The following SENP7 variants were observed in gnomAD, a reference collection of about 807,000 sequenced individuals.
The protein encoded by SENP7 is SUMO specific peptidase 7, also known as sentrin-specific protease 7.
In SENP7, 64 loss-of-function variants were observed where a neutral mutation model predicts 141.2. The ratio of observed to expected loss-of-function variants is 0.45; its 90% CI spans 0.37 to 0.56. The LOEUF is 0.56. Ranked by LOEUF, SENP7 falls within the 20% of genes least tolerant of loss-of-function variation. The probability of loss-of-function intolerance (pLI) is 0.00; values close to 1 mark genes in which losing one functional copy is unlikely to be tolerated. For synonymous variants in SENP7, 382 were observed against 426.4 expected (o/e 0.90, Z 1.28); for missense variants, 1,025 against 1,212.2 (o/e 0.85, Z 2.29).
chr3:101,452,609 T>C (rs2063185600), intron 4 of SENP7, among the ~76,000 whole-genome samples: 1 of 152,092 alleles, frequency 6.6e-6, no homozygotes, highest in Non-Finnish European at 1.5e-5. Context: ...AAACAAGAAA[T>C]GGGGAAAGCA....
chr3:101,412,740 T>C (rs2107635743), intron 5 of SENP7, among the ~76,000 whole-genome samples: 1 of 152,194 alleles, frequency 6.6e-6, no homozygotes, highest in African/African-American at 2.4e-5. Context: ...TGTATAAGTG[T>C]CCCACTAGGT....
rs977317206 is a variant in SENP7, at chr3:101,511,513, G to T, written c.40+1578C>A. 3.9e-5 allele frequency among the ~76,000 whole-genome samples: 6 copies of T among 152,174 alleles called. No homozygotes were observed. In the South Asian group the frequency reaches 1.2e-3, roughly 31 times the overall value. Reference sequence around the variant, plus strand: ...TGTCCATTTTACTTAGAGGTTTGGTGGGGGGTGGAGACTATTAAAACACTC... The same window carrying T: ...TGTCCATTTTACTTAGAGGTTTGGTTGGGGGTGGAGACTATTAAAACACTC... On this transcript the variant is annotated intron_variant, in intron 1 of 23. Transcript: ENST00000394095.
intron 4 of SENP7, among the ~76,000 whole-genome samples, chr3:101,434,794 G>C (rs1223818810): frequency 6.6e-6 from 1 of 151,900 alleles, no homozygotes; most frequent in Non-Finnish European, 1.5e-5. Flanking sequence ...TCCCAGTAAA[G>C]GAAAGCCCGG....
intron 3 of SENP7, among the ~76,000 whole-genome samples, chr3:101,464,054 G>C (rs1447092262): frequency 1.3e-5 from 2 of 152,060 alleles, no homozygotes; most frequent in East Asian, 3.9e-4. Context: ...TCCAACTCAT[G>C]ACTTCAGGTG....
At chr3:101,357,451 T>A (rs2059775141) in intron 11 of SENP7, 1 of 1,109,176 alleles carries the variant, frequency 9.0e-7, no homozygotes, top group Non-Finnish European at 1.3e-6. Context: ...CGAAGAGACA[T>A]AAGATGATTG....
intron 3 of SENP7, among the ~76,000 whole-genome samples, chr3:101,473,965 C>T (rs2064114607): frequency 6.6e-6 from 1 of 152,150 alleles, no homozygotes; most frequent in Admixed American, 6.5e-5. Flanking sequence ...AACCAGTTAT[C>T]CCAGCACCAT....
chr3:101,457,811 GCA>G, intron 4 of SENP7: 1 of 592,540 alleles, frequency 1.7e-6, no homozygotes, highest in South Asian at 2.0e-5. Context: ...GAGATTAGGC[GCA>G]CACATGCGGA....
intron 18 of SENP7, 86 bp from the exon 19 acceptor site, chr3:101,332,195 A>G: frequency 7.7e-7 from 1 of 1,301,462 alleles, no homozygotes; most frequent in Non-Finnish European, 1.0e-6. Context: ...AGAAAGTGAG[A>G]ATAAATTTCA....
chr3:101,399,277 C>G (rs1281310387), intron 5 of SENP7, among the ~76,000 whole-genome samples: 2 of 152,158 alleles, frequency 1.3e-5, no homozygotes, highest in Non-Finnish European at 2.9e-5. Context: ...CATAGATTAG[C>G]CTGCCACTAC....
intron 4 of SENP7, among the ~76,000 whole-genome samples, chr3:101,450,991 A>T (rs1391378501): frequency 1.3e-5 from 2 of 152,228 alleles, no homozygotes. Context: ...AGAAGAAAAG[A>T]GAGAAAAATC....
intron 3 of SENP7, among the ~76,000 whole-genome samples, chr3:101,477,915 G>A (rs1200812039): frequency 6.7e-6 from 1 of 149,918 alleles, no homozygotes; most frequent in Admixed American, 6.6e-5. Flanking sequence ...AAAACAGAAA[G>A]ACTAAAAATA....
chr3:101,483,155 G>T (rs1211084542), intron 3 of SENP7, among the ~76,000 whole-genome samples: 1 of 152,086 alleles, frequency 6.6e-6, no homozygotes, highest in African/African-American at 2.4e-5. Context: ...AATGTTTACT[G>T]CAGCGCTATT....
chr3:101,341,525 T>A (rs556270230), intron 15 of SENP7, 121 bp downstream of exon 15: 3 of 876,234 alleles, frequency 3.4e-6, no homozygotes, highest in South Asian at 9.2e-5. Flanking sequence ...CCTATTTCCA[T>A]TACTATCAGC....
intron 6 of SENP7, among the ~76,000 whole-genome samples, chr3:101,395,652 T>C (rs2060946446): frequency 6.6e-6 from 1 of 152,192 alleles, no homozygotes; most frequent in Admixed American, 6.5e-5. Flanking sequence ...GGGTTAAGAT[T>C]AACAAATTCA....
rs541184908 is a variant in SENP7, at chr3:101,382,179, CT to C, written c.678-10054del. 8.6e-5 allele frequency among the ~76,000 whole-genome samples: 13 copies of C among 151,966 alleles called. No individual in the cohort carries two copies. In the East Asian group the frequency reaches 9.6e-4, roughly 11 times the overall value. ...CATAATTTTATGAAATATTTTTCTTCTTTTTTTTATTTTTAGGTACAGGGTC... is the reference window on the plus strand; with the variant it reads ...CATAATTTTATGAAATATTTTTCTTCTTTTTTTATTTTTAGGTACAGGGTC... On this transcript the variant is annotated intron_variant, in intron 6 of 23. Transcript: ENST00000394095.
chr3:101,512,419 C>T (rs1230787438), intron 1 of SENP7, among the ~76,000 whole-genome samples: 1 of 152,184 alleles, frequency 6.6e-6, no homozygotes, highest in Admixed American at 6.5e-5. Flanking sequence ...TCATTTAAAA[C>T]AAAGTAACGT....
At chr3:101,449,926 T>C (rs2063057607) in intron 4 of SENP7, among the ~76,000 whole-genome samples, 2 of 152,178 alleles carry the variant, frequency 1.3e-5, no homozygotes, top group African/African-American at 4.8e-5. Context: ...GCAAATTGGA[T>C]AAAGAGTCAA....
At chr3:101,387,535 G>A (rs939639628) in intron 6 of SENP7, among the ~76,000 whole-genome samples, 11 of 152,124 alleles carry the variant, frequency 7.2e-5, no homozygotes, top group East Asian at 3.9e-4. Context: ...CATCATTCAG[G>A]GACCTGGGGC....
intron 6 of SENP7, among the ~76,000 whole-genome samples, chr3:101,396,345 C>T (rs2060967644): frequency 6.6e-6 from 1 of 152,150 alleles, no homozygotes; most frequent in African/African-American, 2.4e-5. Flanking sequence ...TTGTTTCATA[C>T]AATCTTCAAA....
Sources: gnomAD v4.1 joint callset for allele counts (sites outside exome capture counted in the v4.1 genomes callset) on GRCh38, gnomAD v4.1.1 for gene constraint, MANE v1.5 for transcripts, NCBI Gene and HGNC (gene_info 2026-07-23, HGNC 2026-07-21) for gene names.